ZNF385D: variants seen among roughly 807,000 people sequenced by gnomAD.
ZNF385D encodes the protein zinc finger protein 659.
Under a neutral mutation model 35.8 loss-of-function variants are expected in ZNF385D, and 15 were observed. The ratio of observed to expected loss-of-function variants is 0.42; its 90% CI spans 0.28 to 0.64. ZNF385D has a LOEUF of 0.64. Among genes scored for constraint, ZNF385D ranks in the 30% least tolerant of loss-of-function variants. The pLI, the probability that ZNF385D is intolerant of heterozygous loss-of-function variation, is 0.23. For missense variants in ZNF385D, 474 were observed against 494.6 expected (o/e 0.96, Z 0.39); for synonymous variants, 212 against 186.8 (o/e 1.13, Z -1.10).
chr3:21,931,549 A>C (rs1701007560), intron 3 of ZNF385D, among the ~76,000 whole-genome samples: 2 of 152,216 alleles, frequency 1.3e-5, no homozygotes, highest in Non-Finnish European at 2.9e-5. Context: ...GGGTAAGTAC[A>C]AGACGGCATA....
intron 3 of ZNF385D, among the ~76,000 whole-genome samples, chr3:22,155,511 G>A (rs974688746): frequency 6.6e-6 from 1 of 151,998 alleles, no homozygotes; most frequent in East Asian, 1.9e-4. Flanking sequence ...TTTTGTTAGT[G>A]ATTAGGCAAA....
chr3:22,362,802 G>C (rs1475668859), intron 2 of ZNF385D, among the ~76,000 whole-genome samples: 13 of 152,048 alleles, frequency 8.5e-5, no homozygotes, highest in Admixed American at 7.9e-4. Flanking sequence ...AATATGTTTA[G>C]ACTCTGACAG....
intron 2 of ZNF385D, among the ~76,000 whole-genome samples, chr3:22,293,394 C>A (rs1702404291): frequency 6.6e-6 from 1 of 152,048 alleles, no homozygotes; most frequent in African/African-American, 2.4e-5. Flanking sequence ...TATACATCTT[C>A]TTTTTAATTT....
At chr3:22,239,277 G>C (rs1699358909) in intron 2 of ZNF385D, among the ~76,000 whole-genome samples, 1 of 150,938 alleles carries the variant, frequency 6.6e-6, no homozygotes, top group Admixed American at 6.6e-5. Context: ...TTCAGGTATT[G>C]TGCGTGGTGC....
chr3:21,653,130 C>T (rs2065967668), intron 2 of ZNF385D, among the ~76,000 whole-genome samples: 1 of 152,260 alleles, frequency 6.6e-6, no homozygotes, highest in South Asian at 2.1e-4. Flanking sequence ...AATACACACA[C>T]ATACACATAT....
At chr3:22,117,412 G>T (rs1233074453) in intron 3 of ZNF385D, among the ~76,000 whole-genome samples, 2 of 151,978 alleles carry the variant, frequency 1.3e-5, no homozygotes, top group Non-Finnish European at 2.9e-5. Context: ...ATGGGGAATG[G>T]TTACACGACT....
chr3:21,454,103 C>T (rs4045436), intron 4 of ZNF385D, among the ~76,000 whole-genome samples: 42,072 of 151,882 alleles, frequency 0.28, 6,475 homozygotes, highest in East Asian at 0.43. Flanking sequence ...TCACAAAATA[C>T]CACACGTTGT....
At chr3:21,904,302 C>CAAAA (rs548922115) in intron 3 of ZNF385D, among the ~76,000 whole-genome samples, 4,420 of 79,048 alleles carry the variant, frequency 0.056, 231 homozygotes, top group East Asian at 0.17. Context: ...GACTCCATCT[C>CAAAA]AAAAAAAAAA....
chr3:21,597,217 TGGTG>T (rs1406627826), intron 2 of ZNF385D, among the ~76,000 whole-genome samples: 1 of 152,166 alleles, frequency 6.6e-6, no homozygotes, highest in Non-Finnish European at 1.5e-5. Flanking sequence ...TTTTCTTCCT[TGGTG>T]GGGACACTCA....
At chr3:22,204,136 G>A (rs945228731) in intron 2 of ZNF385D, among the ~76,000 whole-genome samples, 2 of 152,040 alleles carry the variant, frequency 1.3e-5, no homozygotes, top group African/African-American at 4.8e-5. Context: ...CAGCTCAGCA[G>A]AGAGAGGAGA....
At chr3:22,228,750 A>G (rs1698712557) in intron 2 of ZNF385D, among the ~76,000 whole-genome samples, 1 of 152,172 alleles carries the variant, frequency 6.6e-6, no homozygotes, top group Non-Finnish European at 1.5e-5. Flanking sequence ...GGGTAAGCAC[A>G]ATCTAATCAG....
At chr3:22,165,739 C>A (rs964115727) in intron 3 of ZNF385D, among the ~76,000 whole-genome samples, 3 of 152,064 alleles carry the variant, frequency 2.0e-5, no homozygotes, top group Admixed American at 1.3e-4. Context: ...GGAGGAGACC[C>A]CAGAACTCAG....
At chr3:21,881,042 T>A in intron 3 of ZNF385D, among the ~76,000 whole-genome samples, 1 of 151,914 alleles carries the variant, frequency 6.6e-6, no homozygotes, top group East Asian at 1.9e-4. Flanking sequence ...TTAATGAAGT[T>A]TAAGGAAAGA....
intron 3 of ZNF385D, among the ~76,000 whole-genome samples, chr3:22,056,374 T>C: frequency 6.6e-6 from 1 of 151,764 alleles, no homozygotes; most frequent in East Asian, 1.9e-4. Flanking sequence ...CGTGTGTTAG[T>C]TTAGGGGCTG....
intron 2 of ZNF385D, among the ~76,000 whole-genome samples, chr3:22,273,467 G>A (rs78018101): frequency 0.027 from 4,054 of 151,940 alleles, 75 homozygotes; most frequent in Non-Finnish European, 0.038. Context: ...TACTGGTATC[G>A]AATGGGTAGA....
chr3:21,659,666 C>T (rs932967509), intron 2 of ZNF385D, among the ~76,000 whole-genome samples: 4 of 152,092 alleles, frequency 2.6e-5, no homozygotes, highest in Non-Finnish European at 5.9e-5. Flanking sequence ...CCCCACCACA[C>T]AAACACCGGA....
intron 3 of ZNF385D, among the ~76,000 whole-genome samples, chr3:21,855,211 C>T (rs1283424969): frequency 6.6e-6 from 1 of 151,982 alleles, no homozygotes; most frequent in African/African-American, 2.4e-5. Context: ...CAATCTAGTC[C>T]TTGCATACTG....
chr3:21,533,578 T>G (rs956011518), intron 3 of ZNF385D, among the ~76,000 whole-genome samples: 15 of 152,210 alleles, frequency 9.9e-5, no homozygotes, highest in African/African-American at 3.4e-4. Context: ...GTTAGATACC[T>G]GAACAGCAAT....
chr3:22,299,095 C>A (rs1197926313), intron 2 of ZNF385D, among the ~76,000 whole-genome samples: 3 of 151,908 alleles, frequency 2.0e-5, no homozygotes, highest in African/African-American at 7.2e-5. Context: ...ACTGCCATTT[C>A]TTCCCAAGTT....
Sources: allele counts gnomAD v4.1 joint callset (sites outside exome capture counted in the v4.1 genomes callset), GRCh38; gene constraint gnomAD v4.1.1; transcripts MANE v1.5; gene names NCBI Gene and HGNC (gene_info 2026-07-23, HGNC 2026-07-21).